CCDC186: variants seen among roughly 807,000 people sequenced by gnomAD.
CCDC186 encodes coiled-coil domain-containing protein 186.
CCDC186 carries 49 observed loss-of-function variants against 113.7 expected under a neutral mutation model. That is an observed-to-expected ratio of 0.43 (90% CI 0.34 to 0.55). The LOEUF (loss-of-function observed/expected upper bound fraction) is 0.55. Among genes scored for constraint, CCDC186 ranks in the 20% least tolerant of loss-of-function variants. CCDC186 has a pLI of 0.02. For synonymous variants in CCDC186, 355 were observed against 345.8 expected (o/e 1.03, Z -0.30); for missense variants, 890 against 1,011.1 (o/e 0.88, Z 1.62).
At chr10:114,127,272 G>A (rs746303826) in intron 14 of CCDC186, among the ~76,000 whole-genome samples, 189 bp downstream of exon 14, 9 of 149,578 alleles carry the variant, frequency 6.0e-5, no homozygotes, top group Non-Finnish European at 1.2e-4. Flanking sequence ...AAGGAAAGAC[G>A]TGTTTTATTT....
chr10:114,146,007 T>C (rs542374935), intron 4 of CCDC186, among the ~76,000 whole-genome samples: 1 of 152,344 alleles, frequency 6.6e-6, no homozygotes, highest in African/African-American at 2.4e-5. Flanking sequence ...ATATGGTTGC[T>C]ATTTTCCACG....
At chr10:114,164,789 T>G (rs1309781856) in intron 1 of CCDC186, among the ~76,000 whole-genome samples, 1 of 152,172 alleles carries the variant, frequency 6.6e-6, no homozygotes, top group African/African-American at 2.4e-5. Flanking sequence ...CATGGTTACA[T>G]CAGGCTGGGA....
chr10:114,173,970 C>CACCGCG (rs1489385088), intron 1 of CCDC186, 45 bp downstream of exon 1: 1 of 464,414 alleles, frequency 2.2e-6, no homozygotes, highest in East Asian at 7.1e-5. Flanking sequence ...ACCGCACCGC[C>CACCGCG]ACCGCGACTC....
chr10:114,164,102 GTATATA>G (rs1554930661), intron 1 of CCDC186, among the ~76,000 whole-genome samples: 10 of 101,128 alleles, frequency 9.9e-5, no homozygotes, highest in African/African-American at 3.4e-4. Flanking sequence ...GTGTGTGTGT[GTATATA>G]TATATATTTT....
intron 6 of CCDC186, 37 bp from the exon 7 acceptor site, chr10:114,137,327 G>T: frequency 6.8e-7 from 1 of 1,466,026 alleles, no homozygotes; most frequent in Non-Finnish European, 9.5e-7. Context: ...GTTGGGTACA[G>T]CAACGTGATG....
chr10:114,156,073 C>A (rs1250630479), intron 3 of CCDC186, among the ~76,000 whole-genome samples: 1 of 152,168 alleles, frequency 6.6e-6, no homozygotes, highest in Non-Finnish European at 1.5e-5. Context: ...CATTGAGTGA[C>A]CTGACTACCG....
At chr10:114,157,803 A>C (rs1482422618) in intron 2 of CCDC186, 123 bp from the exon 3 acceptor site, 1 of 730,898 alleles carries the variant, frequency 1.4e-6, no homozygotes, top group African/African-American at 1.9e-5. Context: ...ATGTTAATAA[A>C]TTAACATTCC....
chr10:114,127,321 C>T, intron 14 of CCDC186, 140 bp downstream of exon 14: 1 of 751,656 alleles, frequency 1.3e-6, no homozygotes, highest in South Asian at 1.9e-5. Context: ...TAATAGGTGA[C>T]CATAAAAGAC....
At chr10:114,155,547 C>T (rs113946173) in intron 3 of CCDC186, among the ~76,000 whole-genome samples, 25,515 of 151,982 alleles carry the variant, frequency 0.17, 2,482 homozygotes, top group African/African-American at 0.27. Context: ...TGGTGGCGGG[C>T]CCCTGTAATC....
Position 114,137,189 on chromosome 10 carries a change from A to G in CCDC186, c.1323T>C (p.Tyr441=), listed in dbSNP as rs758874638. The part of the protein sequence containing the change: ...RKNCQDMIKT[Y]QESEEIKSNE... ...CTATTTTAAAAGTTATGCATACCTG[A>G]TATGTTTTTATCATATCCTGACAGT... The change falls in exon 7 of 16, where the codon TAT becomes TAC. Residue 441 remains tyrosine, a synonymous_variant. Transcript: ENST00000369287. 6.2e-7 allele frequency: 1 copy of G among 1,602,900 alleles called. No individual in the cohort carries two copies. Among genetic ancestry groups the G allele is most frequent in the Non-Finnish European group, 8.5e-7 (1 of 1,170,414 alleles).
chr10:114,160,286 T>A (rs1363787793), intron 2 of CCDC186, among the ~76,000 whole-genome samples: 1 of 148,052 alleles, frequency 6.8e-6, no homozygotes, highest in Non-Finnish European at 1.5e-5. Context: ...AAAAAAAAAA[T>A]TTGGTTGGAA....
Position 114,163,191 on chromosome 10 carries a change from T to C in CCDC186, c.78A>G (p.Ser26=). 1 of 1,614,044 alleles carries C rather than the reference T, an allele frequency of 6.2e-7. No individual in the cohort carries two copies. ...VGKTPELKED[S]CNLFSGNESS... ...TTTCATTGCCAGAAAACAAGTTGCA[T>C]GAGTCTTCCTTTAATTCAGGTGTTT... The change falls in exon 2 of 16, where the codon TCA becomes TCG. Residue 26 remains serine, a synonymous_variant. Transcript: ENST00000369287.
At chr10:114,131,407 C>A (rs2031083603) in intron 11 of CCDC186, 71 bp from the exon 12 acceptor site, 24 of 1,286,240 alleles carry the variant, frequency 1.9e-5, no homozygotes, top group Non-Finnish European at 2.5e-5. Flanking sequence ...GTTTATATAA[C>A]CTTAACAATC....
At chr10:114,160,917 TC>T (rs1316177056) in intron 2 of CCDC186, among the ~76,000 whole-genome samples, 1 of 152,246 alleles carries the variant, frequency 6.6e-6, no homozygotes, top group Non-Finnish European at 1.5e-5. Context: ...TTGTGTAATG[TC>T]CTAATGTCCA....
At chr10:114,173,565 G>A (rs748601256) in intron 1 of CCDC186, among the ~76,000 whole-genome samples, 1 of 152,106 alleles carries the variant, frequency 6.6e-6, no homozygotes, top group Non-Finnish European at 1.5e-5. Flanking sequence ...TTTGGAAGAG[G>A]GTAACAAGTC....
In CCDC186 at chr10:114,137,222, T is replaced by C; in HGVS notation, c.1290A>G (p.Ile430Met). The C allele has an allele frequency of 6.2e-7, 1 of 1,613,802 alleles. No individual in the cohort carries two copies. Among genetic ancestry groups the C allele is most frequent in the Non-Finnish European group, 8.5e-7 (1 of 1,179,906 alleles). Reference protein sequence around the residue: ...LTQAKEEADQIRKNCQDMIKT... With the variant: ...LTQAKEEADQMRKNCQDMIKT... ...TTATCATATCCTGACAGTTTTTTCG[T>C]ATCTGATCTGCTTCTTCCTTTGCTT... The change falls in exon 7 of 16, where the codon ATA becomes ATG. Residue 430 changes from isoleucine to methionine, a missense_variant. Transcript: ENST00000369287.
intron 1 of CCDC186, among the ~76,000 whole-genome samples, chr10:114,168,435 C>CA (rs2032396661): frequency 6.6e-6 from 1 of 152,108 alleles, no homozygotes; most frequent in Non-Finnish European, 1.5e-5. Context: ...GTATAAACAA[C>CA]AAAAAATTTA....
At chr10:114,145,992 G>A (rs890559848) in intron 4 of CCDC186, among the ~76,000 whole-genome samples, 4 of 151,940 alleles carry the variant, frequency 2.6e-5, no homozygotes, top group African/African-American at 7.3e-5. Context: ...CTTTTACTTC[G>A]GCTAATATGG....
chr10:114,127,936 A>T (rs1345857447), intron 13 of CCDC186, among the ~76,000 whole-genome samples: 1 of 152,188 alleles, frequency 6.6e-6, no homozygotes, highest in Non-Finnish European at 1.5e-5. Flanking sequence ...GTGAGACCAA[A>T]ATTAAACTAT....
Sources: gnomAD v4.1 joint callset for allele counts (sites outside exome capture counted in the v4.1 genomes callset) on GRCh38, gnomAD v4.1.1 for gene constraint, MANE v1.5 for transcripts, NCBI Gene and HGNC (gene_info 2026-07-23, HGNC 2026-07-21) for gene names.